Variants in FAT2 observed in about 807,000 individuals in gnomAD.
The protein encoded by FAT2 is protocadherin Fat 2.
Under a neutral mutation model 295.3 loss-of-function variants are expected in FAT2, and 150 were observed. The ratio of observed to expected loss-of-function variants is 0.51; its 90% CI spans 0.44 to 0.58. The LOEUF is 0.58. FAT2 is among the 20% of genes least tolerant of loss of function. The probability of loss-of-function intolerance (pLI) is 0.00; values close to 1 mark genes in which losing one functional copy is unlikely to be tolerated. For synonymous variants in FAT2, 2,026 were observed against 2,150.3 expected (o/e 0.94, Z 1.60); for missense variants, 4,868 against 5,442.7 (o/e 0.89, Z 3.32).
Position 151,542,823 on chromosome 5 carries a change from C to T in FAT2, c.8304G>A (p.Met2768Ile). Residue 2768 changes from methionine (M) to isoleucine (I), a missense_variant, in exon 10 of 24, where the codon ATG (methionine) becomes ATA (isoleucine). By Grantham distance (10) the Met-to-Ile change is conservative (BLOSUM62 1). Around this residue, in one of 5 missense-constraint regions of FAT2, gnomAD observed 3,297 missense variants for 3,669.4 expected, o/e 0.90. Transcript: ENST00000261800. ...CATCAGTGTTCTGAAGGCAATGTGC[C>T]ATCACATCAATCTGGTACAATTTGG... ...ESTKLYQIDV[M>I]AHCLQNTDVV... The T allele has an allele frequency of 8.1e-6, 13 of 1,614,196 alleles. No homozygotes were observed. Among genetic ancestry groups the T allele is most frequent in the African/African-American group, 1.3e-5 (1 of 75,052 alleles).
chr5:151,576,052 G>T (rs1758735596), intron 1 of FAT2, among the ~76,000 whole-genome samples: 1 of 152,068 alleles, frequency 6.6e-6, no homozygotes, highest in Non-Finnish European at 1.5e-5. Flanking sequence ...AAGAATGCTG[G>T]GTCCACTCAT....
intron 1 of FAT2, among the ~76,000 whole-genome samples, chr5:151,570,745 G>C (rs527677888): frequency 9.7e-4 from 147 of 152,318 alleles, no homozygotes; most frequent in Non-Finnish European, 1.6e-3. Context: ...AAACTGGCCA[G>C]ACCTGATTTT....
rs565703820 is a variant in FAT2, at chr5:151,585,410, C to T, written c.-21+5755G>A. Among the ~76,000 whole-genome samples the T allele has an allele frequency of 1.2e-4, 18 of 152,296 alleles. No homozygotes were observed. In the East Asian group the frequency reaches 2.7e-3, roughly 23 times the overall value. On this transcript the variant is annotated intron_variant, in intron 1 of 23. Transcript: ENST00000261800. ...GTTGGATCACTTGAGGTCAGGAGTT[C>T]GAGACCAGCCCGACCAACATGGTGA...
At chr5:151,563,212 C>G in intron 3 of FAT2, 113 bp downstream of exon 3, 1 of 1,006,530 alleles carries the variant, frequency 9.9e-7, no homozygotes, top group Non-Finnish European at 1.5e-6. Context: ...AGGGTGGGGC[C>G]AGAGAATTTG....
In FAT2 at chr5:151,568,088, A is replaced by T. The variant is rs2127649317; in HGVS notation, c.844T>A (p.Ser282Thr). 1 of 1,614,092 alleles carries T rather than the reference A, an allele frequency of 6.2e-7. No homozygotes were observed. Among genetic ancestry groups the T allele is most frequent in the Non-Finnish European group, 8.5e-7 (1 of 1,180,034 alleles). The change falls in exon 2 of 24, where the codon TCA becomes ACA. Residue 282 changes from serine (S) to threonine (T), a missense_variant. Around this residue, in one of 5 missense-constraint regions of FAT2, gnomAD observed 3,297 missense variants for 3,669.4 expected, o/e 0.90. Coordinates refer to ENST00000261800, the MANE Select transcript of FAT2 (RefSeq NM_001447.3). ...TCCACTGACTCCACTTCAGCTCCTG[A>T]GCTATTTGCATCGACCAGTACAGTG... ...YATVLVDANSSGAEVESVEVV... is the reference protein window; with the variant it reads ...YATVLVDANSTGAEVESVEVV...
Position 151,565,914 on chromosome 5 carries a change from C to T in FAT2, c.3018G>A (p.Arg1006=). The change falls in exon 2 of 24, where the codon AGG becomes AGA. Residue 1006 remains arginine, a synonymous_variant. Transcript: ENST00000261800. ...NLSLWASDGG[R]PLARRTLCHV... is the part of the protein sequence containing the mutation. Reference sequence around the variant, plus strand: ...GGCAGAGAGTCCTGCGGGCTAGGGGCCTCCCACCATCACTGGCCCACAGGC... The same window carrying T: ...GGCAGAGAGTCCTGCGGGCTAGGGGTCTCCCACCATCACTGGCCCACAGGC... The T allele has an allele frequency of 6.2e-7, 1 of 1,613,960 alleles. No individual in the cohort carries two copies. Among genetic ancestry groups the T allele is most frequent in the East Asian group, 2.2e-5 (1 of 44,882 alleles).
intron 1 of FAT2, among the ~76,000 whole-genome samples, chr5:151,575,066 C>G (rs1455427711): frequency 6.6e-6 from 1 of 152,202 alleles, no homozygotes; most frequent in Non-Finnish European, 1.5e-5. Flanking sequence ...AATAATGGCT[C>G]AGTAAATGGC....
intron 9 of FAT2, among the ~76,000 whole-genome samples, chr5:151,548,203 T>C (rs756649145): frequency 2.0e-5 from 3 of 152,180 alleles, no homozygotes; most frequent in Middle Eastern, 3.2e-3. Context: ...GCTACTGACA[T>C]GCAATAAATG....
At chr5:151,550,975 G>A (rs181177467) in intron 7 of FAT2, 104 bp from the exon 8 acceptor site, 1 of 953,524 alleles carries the variant, frequency 1.0e-6, no homozygotes, top group Non-Finnish European at 1.6e-6. Flanking sequence ...ACAGTGCCTG[G>A]CACTCAGCAA....
At position 151,507,389 on chromosome 5, in the gene FAT2, G is replaced by A. The variant is rs1326721063; in HGVS notation, c.12282C>T (p.Asp4094=). ...GCTCGATGGCAGGCATGGCTTGGGTGTCAACACCAACACTCCTGGCCAGGA... is the reference window on the plus strand; with the variant it reads ...GCTCGATGGCAGGCATGGCTTGGGTATCAACACCAACACTCCTGGCCAGGA... ...PDLLARSVGV[D]TQAMPAIELN... The change falls in exon 23 of 24, where the codon GAC becomes GAT. Residue 4094 remains aspartate (D), a synonymous_variant. Transcript: ENST00000261800. 6.2e-7 allele frequency: 1 copy of A among 1,614,196 alleles called. No homozygotes were observed. The highest frequency in any genetic ancestry group is 8.5e-7 in the Non-Finnish European group (1 of 1,180,020).
intron 3 of FAT2, among the ~76,000 whole-genome samples, chr5:151,557,308 T>C (rs1041945645): frequency 2.0e-5 from 3 of 152,128 alleles, no homozygotes; most frequent in Non-Finnish European, 4.4e-5. Context: ...TTAGAACCAT[T>C]CCTAGCTTTA....
intron 11 of FAT2, among the ~76,000 whole-genome samples, chr5:151,538,617 C>T (rs573681492): frequency 6.6e-6 from 1 of 152,332 alleles, no homozygotes; most frequent in African/African-American, 2.4e-5. Flanking sequence ...TGGTTTCCAC[C>T]ACTGTTGAGT....
At chr5:151,517,533 G>A (rs1358383425) in intron 20 of FAT2, 87 bp downstream of exon 20, 24 of 1,502,644 alleles carry the variant, frequency 1.6e-5, no homozygotes, top group Non-Finnish European at 2.2e-5. Flanking sequence ...TGGCAGAAAT[G>A]GGCTTCCTGA....
chr5:151,570,894 C>A (rs7726769), intron 1 of FAT2, among the ~76,000 whole-genome samples: 72,623 of 151,900 alleles, frequency 0.48, 17,647 homozygotes, highest in Non-Finnish European at 0.53. Flanking sequence ...GACAGCATTC[C>A]GAGATAAGAG....
rs767518367 is a variant in FAT2 at position 151,566,291 on chromosome 5, G to C, written c.2641C>G (p.Leu881Val). Residue 881 changes from leucine (L) to valine (V), a missense_variant, in exon 2 of 24, where the codon CTG (leucine) becomes GTG (valine). Leu to Val is a conservative substitution (Grantham distance 32). Around this residue, in one of 5 missense-constraint regions of FAT2, gnomAD observed 3,297 missense variants for 3,669.4 expected, o/e 0.90. Transcript: ENST00000261800. Reference sequence around the variant, plus strand: ...TACCGAGGCTCTGATTCGCGGTCCAGGTGTCCTGTAACAACCAGTTCCCCA... The same window carrying C: ...TACCGAGGCTCTGATTCGCGGTCCACGTGTCCTGTAACAACCAGTTCCCCA... ...LTGELVVTGH[L>V]DRESEPRYIL... 2 of 1,614,008 alleles carry C rather than the reference G, an allele frequency of 1.2e-6. No individual in the cohort carries two copies. The highest frequency in any genetic ancestry group is 8.5e-7 in the Non-Finnish European group (1 of 1,180,034).
At chr5:151,537,042 T>G (rs899045504) in intron 12 of FAT2, among the ~76,000 whole-genome samples, 2 of 152,158 alleles carry the variant, frequency 1.3e-5, no homozygotes, top group African/African-American at 4.8e-5. Flanking sequence ...TCCACAAGTC[T>G]CACATAAAGT....
intron 1 of FAT2, among the ~76,000 whole-genome samples, chr5:151,578,719 TG>T: frequency 6.6e-6 from 1 of 152,226 alleles, no homozygotes; most frequent in East Asian, 1.9e-4. Context: ...TTACCGTAAA[TG>T]TCCATCAGTA....
In FAT2 at chr5:151,569,393, T is replaced by C. The variant is rs916452786; in HGVS notation, c.-20-442A>G. On this transcript the variant is annotated intron_variant, in intron 1 of 23. Coordinates refer to ENST00000261800, the MANE Select transcript of FAT2 (RefSeq NM_001447.3). ...AAACCATCAGATCTCATGAGACTTA[T>C]TCACTATCACGAGAACAGCATGAGA... 2.6e-5 allele frequency among the ~76,000 whole-genome samples: 4 copies of C among 152,158 alleles called. No homozygotes were observed. In the South Asian group the frequency reaches 6.2e-4, roughly 24 times the overall value.
chr5:151,515,754 T>C (rs1339319423), intron 20 of FAT2, among the ~76,000 whole-genome samples: 1 of 152,226 alleles, frequency 6.6e-6, no homozygotes, highest in Non-Finnish European at 1.5e-5. Flanking sequence ...TCCTCTCTTA[T>C]CCAAATTATT....
Sources: gnomAD v4.1 joint callset for allele counts (sites outside exome capture counted in the v4.1 genomes callset) on GRCh38, gnomAD v4.1.1 for gene constraint, gnomAD v4.1.1 regional missense constraint, MANE v1.5 for transcripts, NCBI Gene and HGNC (gene_info 2026-07-23, HGNC 2026-07-21) for gene names.